MPHOSPH8: variants seen among roughly 807,000 people sequenced by gnomAD.
MPHOSPH8 encodes the protein M-phase phosphoprotein 8, also known as M-phase phosphoprotein, mpp.
In MPHOSPH8, 45 loss-of-function variants were observed where a neutral mutation model predicts 87.3. That is an observed-to-expected ratio of 0.52 (90% confidence interval 0.41 to 0.66). The LOEUF (loss-of-function observed/expected upper bound fraction) is 0.66, where lower values mean the gene tolerates loss of function less well. Ranked by LOEUF, MPHOSPH8 falls within the 30% of genes least tolerant of loss-of-function variation. The pLI, the probability that MPHOSPH8 is intolerant of heterozygous loss-of-function variation, is 0.00. For synonymous variants in MPHOSPH8, 366 were observed against 376.9 expected, an observed-to-expected ratio of 0.97 and a Z score of 0.33; for missense variants, 883 against 1,020.2, an observed-to-expected ratio of 0.87 and a Z score of 1.83.
chr13:19,659,992 C>T (rs1410628703), intron 7 of MPHOSPH8, among the ~76,000 whole-genome samples: 8 of 129,556 alleles, frequency 6.2e-5, no homozygotes, highest in Admixed American at 8.7e-5. Context: ...GACAGTGTCT[C>T]GCTCTGTTGC....
chr13:19,645,417 A>G (rs1565934795), intron 2 of MPHOSPH8, among the ~76,000 whole-genome samples: 1 of 152,090 alleles, frequency 6.6e-6, no homozygotes, highest in Non-Finnish European at 1.5e-5. Context: ...CAGTGCCACC[A>G]TATTCCCACT....
chr13:19,642,304 A>G (rs781131123), intron 2 of MPHOSPH8, 34 bp downstream of exon 2: 4 of 1,494,582 alleles, frequency 2.7e-6, no homozygotes, highest in Non-Finnish European at 3.6e-6. Context: ...GTTTTTACAT[A>G]CATAAATTTA....
intron 3 of MPHOSPH8, among the ~76,000 whole-genome samples, chr13:19,648,006 G>A (rs992259108): frequency 6.6e-6 from 1 of 152,066 alleles, no homozygotes; most frequent in Non-Finnish European, 1.5e-5. Flanking sequence ...TGTGAACACA[G>A]TCATGTAAAA....
chr13:19,652,083 C>T (rs1874881802), intron 5 of MPHOSPH8, among the ~76,000 whole-genome samples: 1 of 152,182 alleles, frequency 6.6e-6, no homozygotes, highest in Non-Finnish European at 1.5e-5. Flanking sequence ...GCCTGGGCAA[C>T]AGTGCGAGTC....
Position 19,671,984 on chromosome 13 carries a change from C to A in MPHOSPH8, c.*109C>A. On this transcript the variant is annotated 3_prime_UTR_variant, in exon 14 of 14. Coordinates refer to ENST00000361479, the MANE Select transcript of MPHOSPH8 (RefSeq NM_017520.4). ...TCTATGTAAAGTTTTGTCTGTAAAC[C>A]TCTTGCAGTTAAGCCTGTTGTCTGT... 1 of 1,132,840 alleles carries A rather than the reference C, an allele frequency of 8.8e-7. No homozygotes were observed. Among genetic ancestry groups the A allele is most frequent in the Non-Finnish European group, 1.3e-6 (1 of 761,838 alleles). 70.2% of individuals were successfully genotyped at this position (1,132,840 alleles called of 1,614,324 possible).
chr13:19,662,839 C>G (rs1430657251), intron 8 of MPHOSPH8, among the ~76,000 whole-genome samples: 1 of 152,192 alleles, frequency 6.6e-6, no homozygotes, highest in Non-Finnish European at 1.5e-5. Context: ...TTCGCAGTTG[C>G]TGGCAGCACA....
At chr13:19,657,710 C>G (rs1431849190) in intron 5 of MPHOSPH8, among the ~76,000 whole-genome samples, 1 of 152,192 alleles carries the variant, frequency 6.6e-6, no homozygotes, top group Non-Finnish European at 1.5e-5. Flanking sequence ...TGGTTCTGGT[C>G]TAGGCATGCT....
Position 19,670,279 on chromosome 13 carries a change from T to A in MPHOSPH8, c.2373T>A (p.Gly791=). 1 of 1,614,112 alleles carries A rather than the reference T, an allele frequency of 6.2e-7. No individual in the cohort carries two copies. Among genetic ancestry groups the A allele is most frequent in the Non-Finnish European group, 8.5e-7 (1 of 1,179,952 alleles). Residue 791 remains glycine, a synonymous_variant, in exon 12 of 14, where the codon GGT becomes GGA. Transcript: ENST00000361479. ...TTATCTTCCATGCAAACTTTTTGGGTAAAGAAGTTATTGCTCGGCTCTGTG... is the reference window on the plus strand; with the variant it reads ...TTATCTTCCATGCAAACTTTTTGGGAAAAGAAGTTATTGCTCGGCTCTGTG... ...LLFIFHANFL[G]KEVIARLCGP... is the part of the protein sequence containing the mutation.
rs531662229 is a variant in MPHOSPH8 at position 19,667,687 on chromosome 13, G to A, written c.2175-690G>A. Among the ~76,000 whole-genome samples, 14 of 152,174 alleles carry A rather than the reference G, an allele frequency of 9.2e-5. No homozygotes were observed. The East Asian group carries it at 2.7e-3, about 29-fold the overall frequency. ...TTCCATGTCTTGATAGTGCATTTCTGTTTAGCACTGACTAATATTCTGTTG... is the reference window on the plus strand; with the variant it reads ...TTCCATGTCTTGATAGTGCATTTCTATTTAGCACTGACTAATATTCTGTTG... On this transcript the variant is annotated intron_variant, in intron 10 of 13. Coordinates refer to ENST00000361479, the MANE Select transcript of MPHOSPH8 (RefSeq NM_017520.4).
At position 19,633,791 on chromosome 13, in the gene MPHOSPH8, G is replaced by T. The variant is rs967712386; in HGVS notation, c.43G>T (p.Val15Leu). The T allele has an allele frequency of 1.2e-6, 2 of 1,607,748 alleles. No homozygotes were observed. The highest frequency in any genetic ancestry group is 1.7e-5 in the Admixed American group (1 of 58,976). The change falls in exon 1 of 14, where the codon GTG (valine) becomes TTG (leucine). Residue 15 changes from valine to leucine, a missense_variant. Physicochemically the swap from Val to Leu is conservative, Grantham distance 32. This residue lies in a region of MPHOSPH8 where 103 missense variants were observed against 96.3 expected (regional missense o/e 1.07). Coordinates refer to ENST00000361479, the MANE Select transcript of MPHOSPH8 (RefSeq NM_017520.4). The part of the protein sequence containing the change: ...AEGARVTAVP[V>L]SAADSTEELA... The stretch of plus-strand genomic sequence containing the variant: ...GGGAGCAAGGGTGACCGCAGTCCCT[G>T]TGTCAGCTGCCGACAGCACTGAGGA...
In MPHOSPH8 at chr13:19,661,775, AG is replaced by A. The variant is rs1875541710; in HGVS notation, c.1871del (p.Gly624AlafsTer4). 1 of 1,613,226 alleles carries A rather than the reference AG, an allele frequency of 6.2e-7. No homozygotes were observed. Among genetic ancestry groups the A allele is most frequent in the Admixed American group, 1.7e-5 (1 of 59,892 alleles). ...ACCTCCTGCGACTCCTCATCACAAA[AG>A]GCGCGAAAGTGAACGGTCGGCAGAA... ...DDLLRLLITK[G>X]AKVNGRQKNG... On this transcript the variant is annotated frameshift_variant, in exon 8 of 14. Transcript: ENST00000361479. LOFTEE classifies it high-confidence loss of function.
intron 2 of MPHOSPH8, among the ~76,000 whole-genome samples, chr13:19,644,885 TTTTG>T (rs1308342625): frequency 6.6e-6 from 1 of 152,180 alleles, no homozygotes; most frequent in African/African-American, 2.4e-5. Context: ...GCTCCAAAGT[TTTTG>T]TTTGTTTTCT....
chr13:19,668,283 T>G, intron 10 of MPHOSPH8, 94 bp from the exon 11 acceptor site: 1 of 1,122,524 alleles, frequency 8.9e-7, no homozygotes, highest in Non-Finnish European at 1.3e-6. Context: ...AGGTCTTTGT[T>G]TGGAAGGTTG....
chr13:19,641,426 G>A (rs188541275), intron 1 of MPHOSPH8, among the ~76,000 whole-genome samples: 217 of 148,132 alleles, frequency 1.5e-3, no homozygotes, highest in Non-Finnish European at 2.5e-3. Flanking sequence ...GGATACAAGC[G>A]ATTCTCCTGC....
At chr13:19,652,896 C>G (rs770691509) in intron 5 of MPHOSPH8, among the ~76,000 whole-genome samples, 22 of 152,166 alleles carry the variant, frequency 1.4e-4, no homozygotes, top group Admixed American at 1.0e-3. Flanking sequence ...CCTCTCTGGG[C>G]AGGGCATCTC....
chr13:19,667,039 G>A (rs766072000), intron 10 of MPHOSPH8, among the ~76,000 whole-genome samples: 9 of 152,010 alleles, frequency 5.9e-5, no homozygotes, highest in Non-Finnish European at 1.2e-4. Flanking sequence ...GTGGGTACCT[G>A]TAACCCCAGC....
In MPHOSPH8 at chr13:19,645,398, A is replaced by G. The variant is rs116103316; in HGVS notation, c.370-1045A>G. ...ATGAGGTGATTCAGGGAGATTGGAA[A>G]GGTTAAGCCAGTGCCACCATATTCC... On this transcript the variant is annotated intron_variant, in intron 2 of 13. Coordinates refer to ENST00000361479, the MANE Select transcript of MPHOSPH8 (RefSeq NM_017520.4). Among the ~76,000 whole-genome samples the G allele has an allele frequency of 8.6e-3, 1,316 of 152,240 alleles. 23 individuals carry two copies. Among genetic ancestry groups the G allele is most frequent in the African/African-American group, 0.03 (1,259 of 41,534 alleles).
At chr13:19,659,373 A>G in intron 7 of MPHOSPH8, 84 bp downstream of exon 7, 1 of 1,177,440 alleles carries the variant, frequency 8.5e-7, no homozygotes, top group Non-Finnish European at 1.2e-6. Flanking sequence ...ATTTATTTTA[A>G]TTACAAAAGG....
In MPHOSPH8 at chr13:19,670,977, A is replaced by G. The variant is rs1404119033; in HGVS notation, c.2458-229A>G. ...TGGGACTAAAAATGCACGCCACCAC[A>G]TCCGGCTAATTTTTTGTATTTTTTG... On this transcript the variant is annotated intron_variant, in intron 12 of 13. Transcript: ENST00000361479. 1.3e-5 allele frequency: 15 copies of G among 1,114,222 alleles called. 1 individual carries two copies. The highest frequency in any genetic ancestry group is 1.8e-5 in the Non-Finnish European group (15 of 819,674). The allele number at this position is 1,114,222 out of a possible 1,614,324, so 69.0% of individuals were successfully genotyped here.
Sources: gnomAD v4.1 joint callset for allele counts (sites outside exome capture counted in the v4.1 genomes callset) on GRCh38, gnomAD v4.1.1 for gene constraint, gnomAD v4.1.1 regional missense constraint, MANE v1.5 for transcripts, NCBI Gene and HGNC (gene_info 2026-07-23, HGNC 2026-07-21) for gene names.